Variants in MAGI1 observed in about 807,000 individuals in gnomAD.
The protein encoded by MAGI1 is membrane-associated guanylate kinase, WW and PDZ domain-containing protein 1.
Under a neutral mutation model 139.9 loss-of-function variants are expected in MAGI1, and 58 were observed. That is an observed-to-expected ratio of 0.41 (90% CI 0.34 to 0.52). MAGI1 has a LOEUF of 0.52. Ranked by LOEUF, MAGI1 falls within the 20% of genes least tolerant of loss-of-function variation. The probability of loss-of-function intolerance (pLI) is 0.12; values close to 1 mark genes in which losing one functional copy is unlikely to be tolerated. For synonymous variants in MAGI1, 812 were observed against 737.9 expected (o/e 1.10, Z -1.63); for missense variants, 1,874 against 1,901.6 (o/e 0.99, Z 0.27).
intron 1 of MAGI1, among the ~76,000 whole-genome samples, chr3:66,021,041 G>A (rs945732953): frequency 2.6e-5 from 4 of 152,186 alleles, no homozygotes; most frequent in Admixed American, 1.3e-4. Flanking sequence ...CACTCCAACC[G>A]TGTCTTGGAG....
At chr3:65,681,565 T>G (rs890004407) in intron 1 of MAGI1, among the ~76,000 whole-genome samples, 3 of 152,226 alleles carry the variant, frequency 2.0e-5, no homozygotes, top group Admixed American at 2.0e-4. Context: ...TTTAGAAACA[T>G]TTTCCATAGA....
intron 1 of MAGI1, among the ~76,000 whole-genome samples, chr3:65,664,878 C>T (rs936692031): frequency 6.6e-6 from 1 of 152,102 alleles, no homozygotes; most frequent in Non-Finnish European, 1.5e-5. Context: ...TTTAAAATGA[C>T]CTCCAATTGT....
chr3:65,977,296 C>A (rs2065313562), intron 1 of MAGI1, among the ~76,000 whole-genome samples: 1 of 152,148 alleles, frequency 6.6e-6, no homozygotes, highest in South Asian at 2.1e-4. Context: ...TACGAGGACT[C>A]CACTTGACTT....
Position 65,561,809 on chromosome 3 carries a change from G to C in MAGI1, c.430+60163C>G, listed in dbSNP as rs559750998. Among the ~76,000 whole-genome samples, 4 of 152,196 alleles carry C rather than the reference G, an allele frequency of 2.6e-5. No homozygotes were observed. The South Asian group carries it at 6.2e-4, about 24-fold the overall frequency. The stretch of plus-strand genomic sequence containing the variant: ...ACAGAGTCAGTCAAACTACAGCTGG[G>C]CAGAAATACGCAACTCAACTCTAAC... On this transcript the variant is annotated intron_variant, in intron 2 of 22. Coordinates refer to ENST00000402939, the MANE Select transcript of MAGI1 (RefSeq NM_001033057.2).
intron 1 of MAGI1, among the ~76,000 whole-genome samples, chr3:65,707,451 C>T (rs924073598): frequency 1.3e-5 from 2 of 151,984 alleles, no homozygotes. Context: ...TTTGGGAGGC[C>T]GAGCCAGGTG....
chr3:65,476,725 G>C lies in MAGI1; in HGVS notation c.757+1867C>G, dbSNP rs374255579. Among the ~76,000 whole-genome samples, 9 of 152,162 alleles carry C rather than the reference G, an allele frequency of 5.9e-5. No homozygotes were observed. In the East Asian group the frequency reaches 1.3e-3, roughly 23 times the overall value. On this transcript the variant is annotated intron_variant, in intron 4 of 22. Transcript: ENST00000402939. ...TTCTGTGACCACAACTATGGTTTAG[G>C]TTATACCATGATTTGCTATTCTTAT...
At chr3:65,498,344 C>T (rs111679867) in intron 2 of MAGI1, among the ~76,000 whole-genome samples, 7 of 151,464 alleles carry the variant, frequency 4.6e-5, no homozygotes, top group African/African-American at 1.5e-4. Context: ...TACAATACTG[C>T]CTTCTCTTTT....
At chr3:65,727,138 A>G (rs1431363221) in intron 1 of MAGI1, among the ~76,000 whole-genome samples, 1 of 152,180 alleles carries the variant, frequency 6.6e-6, no homozygotes, top group Non-Finnish European at 1.5e-5. Context: ...AAAGTAATAG[A>G]AATTTCTTCA....
chr3:65,435,483 G>GATGA (rs1169112119), intron 10 of MAGI1, among the ~76,000 whole-genome samples: 1 of 151,818 alleles, frequency 6.6e-6, no homozygotes, highest in Non-Finnish European at 1.5e-5. Flanking sequence ...TGGATGGATG[G>GATGA]ATGGATGGAT....
intron 14 of MAGI1, chr3:65,387,131 G>A (rs755567941): frequency 1.9e-6 from 3 of 1,610,776 alleles, no homozygotes; most frequent in Non-Finnish European, 2.5e-6. Flanking sequence ...AAAGTTTTCA[G>A]CGGATCCTTA....
intron 1 of MAGI1, among the ~76,000 whole-genome samples, chr3:65,903,099 C>T (rs2061303845): frequency 6.6e-6 from 1 of 152,250 alleles, no homozygotes; most frequent in African/African-American, 2.4e-5. Flanking sequence ...AGCAATCCCC[C>T]CACCTCAGCC....
intron 1 of MAGI1, among the ~76,000 whole-genome samples, chr3:65,865,088 G>A (rs1354133889): frequency 6.6e-6 from 1 of 152,092 alleles, no homozygotes; most frequent in Non-Finnish European, 1.5e-5. Flanking sequence ...CTGTAACTAT[G>A]CCATACACAC....
chr3:65,817,108 T>C (rs924206619), intron 1 of MAGI1, among the ~76,000 whole-genome samples: 3 of 152,208 alleles, frequency 2.0e-5, no homozygotes, highest in African/African-American at 7.2e-5. Flanking sequence ...CCTACTTAGG[T>C]GCATAACATG....
intron 1 of MAGI1, among the ~76,000 whole-genome samples, chr3:65,930,203 C>A (rs62243763): frequency 0.22 from 33,469 of 150,356 alleles, 4,868 homozygotes; most frequent in Non-Finnish European, 0.31. Flanking sequence ...GTAGTCCCGG[C>A]TACTCAGGGG....
chr3:65,609,828 T>C, intron 2 of MAGI1: 1 of 281,884 alleles, frequency 3.5e-6, no homozygotes, highest in Non-Finnish European at 7.3e-6. Flanking sequence ...CTGCTCATCT[T>C]GGCTTCCCAA....
intron 1 of MAGI1, among the ~76,000 whole-genome samples, chr3:65,734,989 CTA>C (rs2034588773): frequency 2.0e-5 from 3 of 151,906 alleles, no homozygotes; most frequent in African/African-American, 7.3e-5. Flanking sequence ...AAGCTTCTCT[CTA>C]TTAAAAAAGA....
chr3:65,882,856 G>C (rs534217832), intron 1 of MAGI1, among the ~76,000 whole-genome samples: 2 of 150,350 alleles, frequency 1.3e-5, no homozygotes, highest in East Asian at 3.9e-4. Flanking sequence ...GATCACTTGA[G>C]CCCAGGAGGT....
At chr3:65,471,173 T>C (rs1950539403) in intron 4 of MAGI1, among the ~76,000 whole-genome samples, 1 of 152,256 alleles carries the variant, frequency 6.6e-6, no homozygotes, top group South Asian at 2.1e-4. Flanking sequence ...ACTTGAGTCT[T>C]AAAAGAAGGC....
At chr3:65,926,368 T>TCTCTCC (rs980352774) in intron 1 of MAGI1, among the ~76,000 whole-genome samples, 5 of 147,546 alleles carry the variant, frequency 3.4e-5, no homozygotes, top group African/African-American at 1.0e-4. Context: ...TCTCTCTCTC[T>TCTCTCC]CCCTCTTTCC....
Sources: allele counts gnomAD v4.1 joint callset (sites outside exome capture counted in the v4.1 genomes callset), GRCh38; gene constraint gnomAD v4.1.1; transcripts MANE v1.5; gene names NCBI Gene and HGNC (gene_info 2026-07-23, HGNC 2026-07-21).